The following SPECC1 variants were observed in gnomAD, a reference collection of about 807,000 sequenced individuals.
SPECC1 encodes the protein sperm antigen with calponin homology and coiled-coil domains 1.
Under a neutral mutation model 104.1 loss-of-function variants are expected in SPECC1, and 62 were observed. That is an observed-to-expected ratio of 0.60 (90% CI 0.49 to 0.74). The LOEUF (loss-of-function observed/expected upper bound fraction) is 0.74, where lower values mean the gene tolerates loss of function less well. Among genes scored for constraint, SPECC1 ranks in the 30% least tolerant of loss-of-function variants. The pLI, the probability that SPECC1 is intolerant of heterozygous loss-of-function variation, is 0.00. For missense variants in SPECC1, 1,306 were observed against 1,310.5 expected (o/e 1.00, Z 0.05); for synonymous variants, 513 against 501.6 (o/e 1.02, Z -0.30).
chr17:20,223,809 C>G (rs2038042610), intron 4 of SPECC1, among the ~76,000 whole-genome samples: 2 of 152,178 alleles, frequency 1.3e-5, no homozygotes, highest in African/African-American at 4.8e-5. Flanking sequence ...AAGATCACAT[C>G]TCTGTCACTC....
chr17:20,147,417 T>C (rs949430652), intron 3 of SPECC1, among the ~76,000 whole-genome samples: 1 of 152,212 alleles, frequency 6.6e-6, no homozygotes, highest in African/African-American at 2.4e-5. Flanking sequence ...AAATTTGAAC[T>C]CTGGCTATTT....
intron 3 of SPECC1, among the ~76,000 whole-genome samples, chr17:20,179,276 C>G (rs1597895577): frequency 6.6e-6 from 1 of 152,270 alleles, no homozygotes; most frequent in Non-Finnish European, 1.5e-5. Context: ...GCACCAGATG[C>G]TGCAGGCACT....
chr17:20,117,845 C>CT (rs1355166770), intron 3 of SPECC1, among the ~76,000 whole-genome samples: 2 of 152,036 alleles, frequency 1.3e-5, no homozygotes, highest in African/African-American at 4.8e-5. Context: ...GGCTCAACGC[C>CT]TGTAATCCTA....
At position 20,204,685 on chromosome 17, in the gene SPECC1, C is replaced by T. The variant is rs750389960; in HGVS notation, c.636C>T (p.Val212=). Residue 212 remains valine, a synonymous_variant, in exon 4 of 15, where the codon GTC becomes GTT. Transcript: ENST00000395527. The part of the protein sequence containing the change: ...AEGTDALGPN[V]DGTSVSPGDT... ...GGACTGATGCTTTGGGCCCAAATGT[C>T]GATGGAACATCAGTCTCCCCAGGTG... 15 of 1,613,724 alleles carry T rather than the reference C, an allele frequency of 9.3e-6. No individual in the cohort carries two copies. Among genetic ancestry groups the T allele is most frequent in the South Asian group, 2.2e-5 (2 of 91,014 alleles).
intron 1 of SPECC1, chr17:20,018,012 G>C (rs1459828545): frequency 6.6e-6 from 1 of 152,490 alleles, no homozygotes; most frequent in Non-Finnish European, 1.5e-5. Context: ...TGTGATTGTT[G>C]AAGAGCTGTG....
At chr17:20,125,069 A>C (rs2152540561) in intron 3 of SPECC1, among the ~76,000 whole-genome samples, 1 of 152,096 alleles carries the variant, frequency 6.6e-6, no homozygotes, top group African/African-American at 2.4e-5. Context: ...AGTTCCAGCT[A>C]CTCGGGAGGC....
At chr17:20,023,825 G>A (rs1036638636) in intron 1 of SPECC1, among the ~76,000 whole-genome samples, 1 of 151,128 alleles carries the variant, frequency 6.6e-6, no homozygotes, top group African/African-American at 2.4e-5. Context: ...AAAAAAACAT[G>A]GAAAGCATCT....
At chr17:20,186,852 G>A (rs1434748822) in intron 3 of SPECC1, among the ~76,000 whole-genome samples, 1 of 152,170 alleles carries the variant, frequency 6.6e-6, no homozygotes, top group South Asian at 2.1e-4. Context: ...TAGATCATAG[G>A]TGTGAGCCAC....
At chr17:20,190,555 T>C (rs371408657) in intron 3 of SPECC1, among the ~76,000 whole-genome samples, 7 of 152,334 alleles carry the variant, frequency 4.6e-5, no homozygotes, top group African/African-American at 1.7e-4. Flanking sequence ...TTTCCTATAG[T>C]GTACTCCTGT....
At chr17:20,110,674 A>T in intron 3 of SPECC1, 112 bp downstream of exon 3, 3 of 1,282,566 alleles carry the variant, frequency 2.3e-6, no homozygotes, top group Non-Finnish European at 3.1e-6. Context: ...TTTCTTGACC[A>T]CTTACCCTGG....
intron 3 of SPECC1, among the ~76,000 whole-genome samples, chr17:20,158,863 A>G (rs189594148): frequency 8.2e-4 from 124 of 152,024 alleles, no homozygotes; most frequent in South Asian, 2.5e-3. Context: ...AGCTCAGGCA[A>G]TCCTTCCACT....
At chr17:20,296,838 G>A (rs1434506365) in intron 12 of SPECC1, 123 bp from the exon 13 acceptor site, 9 of 836,586 alleles carry the variant, frequency 1.1e-5, no homozygotes, top group Non-Finnish European at 1.8e-5. Context: ...TTGGTGTATA[G>A]GAATGCTTGT....
At chr17:20,094,288 G>A (rs906271596) in intron 1 of SPECC1, among the ~76,000 whole-genome samples, 9 of 152,204 alleles carry the variant, frequency 5.9e-5, no homozygotes, top group Non-Finnish European at 1.2e-4. Flanking sequence ...GGCCTGGACA[G>A]TGCTGCCTCA....
intron 1 of SPECC1, among the ~76,000 whole-genome samples, chr17:20,041,871 T>G (rs2045345514): frequency 1.3e-5 from 2 of 152,026 alleles, no homozygotes; most frequent in Admixed American, 1.3e-4. Context: ...GTGATCCACC[T>G]GCCTCGGCCT....
intron 1 of SPECC1, among the ~76,000 whole-genome samples, chr17:20,064,244 G>A (rs538226207): frequency 6.6e-6 from 1 of 152,284 alleles, no homozygotes; most frequent in East Asian, 1.9e-4. Flanking sequence ...GCCAGAGAAG[G>A]GCATTGCACA....
intron 1 of SPECC1, among the ~76,000 whole-genome samples, chr17:20,080,079 T>C (rs1471497034): frequency 6.6e-6 from 1 of 151,002 alleles, no homozygotes; most frequent in South Asian, 2.1e-4. Context: ...TAAAACTGAC[T>C]TAACATTATT....
At chr17:20,178,561 C>A (rs2034638014) in intron 3 of SPECC1, among the ~76,000 whole-genome samples, 1 of 152,162 alleles carries the variant, frequency 6.6e-6, no homozygotes, top group South Asian at 2.1e-4. Context: ...AAAATAAGTA[C>A]TAACTTTTAA....
intron 1 of SPECC1, among the ~76,000 whole-genome samples, chr17:20,034,128 G>A (rs1333795192): frequency 2.0e-5 from 3 of 149,168 alleles, no homozygotes; most frequent in Non-Finnish European, 4.4e-5. Flanking sequence ...ACGGAGTCTC[G>A]CTCTGTCACC....
intron 1 of SPECC1, among the ~76,000 whole-genome samples, chr17:20,068,834 T>C (rs1159774369): frequency 6.6e-6 from 1 of 152,256 alleles, no homozygotes; most frequent in African/African-American, 2.4e-5. Flanking sequence ...TTACCCACTT[T>C]TCAGTTGGGT....
Sources: gnomAD v4.1 joint callset for allele counts (sites outside exome capture counted in the v4.1 genomes callset) on GRCh38, gnomAD v4.1.1 for gene constraint, MANE v1.5 for transcripts, NCBI Gene and HGNC (gene_info 2026-07-23, HGNC 2026-07-21) for gene names.